Variants in KIAA1328 observed in about 807,000 individuals in gnomAD.
KIAA1328 encodes the protein KIAA1328, also known as protein hinderin.
KIAA1328 carries 52 observed loss-of-function variants against 68.1 expected under a neutral mutation model. That is an observed-to-expected ratio of 0.76 (90% CI 0.61 to 0.96). The LOEUF is 0.96. Among genes scored for constraint, KIAA1328 ranks in the 40% least tolerant of loss-of-function variants. The pLI is 0.00. For synonymous variants in KIAA1328, 232 were observed against 239.4 expected (o/e 0.97, Z 0.28); for missense variants, 641 against 677.6 (o/e 0.95, Z 0.60).
chr18:37,151,277 A>C lies in KIAA1328; in HGVS notation c.1233-8923A>C, dbSNP rs899795944. Among the ~76,000 whole-genome samples, 3 of 152,300 alleles carry C rather than the reference A, an allele frequency of 2.0e-5. No homozygotes were observed. In the East Asian group the frequency reaches 5.8e-4, roughly 29 times the overall value. ...AAATACTGCTGAGACAAATTTAAGA[A>C]AACTAAATGGAAAGAAAGATATGCT... is the stretch of plus-strand genomic sequence containing the variant. On this transcript the variant is annotated intron_variant, in intron 7 of 9. Transcript: ENST00000280020.
intron 6 of KIAA1328, among the ~76,000 whole-genome samples, chr18:36,991,629 C>T (rs1372524695): frequency 6.6e-6 from 1 of 152,124 alleles, no homozygotes; most frequent in Non-Finnish European, 1.5e-5. Context: ...AGATAACCAC[C>T]ATTCTTGAAT....
chr18:37,072,621 A>T (rs752678490), intron 7 of KIAA1328, among the ~76,000 whole-genome samples: 13 of 152,086 alleles, frequency 8.5e-5, no homozygotes, highest in Non-Finnish European at 1.8e-4. Flanking sequence ...ACATAAATTT[A>T]CAATCTTTTG....
At chr18:36,852,922 T>C (rs771716365) in intron 4 of KIAA1328, among the ~76,000 whole-genome samples, 1 of 152,204 alleles carries the variant, frequency 6.6e-6, no homozygotes, top group Non-Finnish European at 1.5e-5. Context: ...AATTCTCTAT[T>C]ATTCTAGAAC....
intron 5 of KIAA1328, among the ~76,000 whole-genome samples, chr18:36,946,956 G>C (rs1020007078): frequency 2.6e-5 from 4 of 152,262 alleles, no homozygotes; most frequent in African/African-American, 9.6e-5. Context: ...GATGTCACTG[G>C]ATTGCTTCGT....
chr18:36,898,339 G>T (rs2048929372), intron 5 of KIAA1328, among the ~76,000 whole-genome samples: 1 of 151,882 alleles, frequency 6.6e-6, no homozygotes, highest in Non-Finnish European at 1.5e-5. Context: ...TATTTGAGGA[G>T]CATCCCTTTT....
chr18:36,924,759 A>T (rs1406188437), intron 5 of KIAA1328, among the ~76,000 whole-genome samples: 1 of 152,146 alleles, frequency 6.6e-6, no homozygotes, highest in African/African-American at 2.4e-5. Flanking sequence ...GAAAGATAGG[A>T]CCTTAGAATA....
At position 37,025,013 on chromosome 18, in the gene KIAA1328, A is replaced by G. The variant is rs140202219; in HGVS notation, c.577-41877A>G. 4.6e-3 allele frequency among the ~76,000 whole-genome samples: 700 copies of G among 152,130 alleles called. 6 individuals carry two copies. Among genetic ancestry groups the G allele is most frequent in the Middle Eastern group, 0.031 (9 of 294 alleles). The stretch of plus-strand genomic sequence containing the variant: ...CCAGCAACAGTGTAAAAGTGTTCCT[A>G]TTTCTCCATATCCTCTCCAGCACCT... On this transcript the variant is annotated intron_variant, in intron 6 of 9. Transcript: ENST00000280020.
chr18:36,892,337 A>G (rs1299786960), intron 5 of KIAA1328, among the ~76,000 whole-genome samples: 1 of 152,198 alleles, frequency 6.6e-6, no homozygotes, highest in Admixed American at 6.5e-5. Flanking sequence ...TGGGAAAGTA[A>G]AAAACCTAAA....
At chr18:36,848,541 CTTTTTT>C (rs59271370) in intron 4 of KIAA1328, among the ~76,000 whole-genome samples, 4 of 38,144 alleles carry the variant, frequency 1.0e-4, no homozygotes, top group Non-Finnish European at 1.4e-4. Context: ...TCTATAGATG[CTTTTTT>C]TTTTTTTTTT....
At chr18:37,203,602 T>A (rs775734060) in intron 9 of KIAA1328, among the ~76,000 whole-genome samples, 1 of 152,214 alleles carries the variant, frequency 6.6e-6, no homozygotes, top group Non-Finnish European at 1.5e-5. Flanking sequence ...GCAATTTTAA[T>A]GTTAAGTACC....
intron 7 of KIAA1328, among the ~76,000 whole-genome samples, chr18:37,089,285 T>G (rs1021843259): frequency 1.3e-5 from 2 of 152,074 alleles, no homozygotes; most frequent in Non-Finnish European, 2.9e-5. Context: ...TTCTTTGCAT[T>G]TCTTTTATAG....
rs556239466 is a variant in KIAA1328, at chr18:37,014,496, T to C, written c.577-52394T>C. Among the ~76,000 whole-genome samples the C allele has an allele frequency of 1.5e-4, 23 of 152,336 alleles. No homozygotes were observed. The South Asian group carries it at 3.9e-3, about 26-fold the overall frequency. ...TCTCGCATTGCTGTAGAGAAATACC[T>C]GAGACTGGGTAATTTATAAAGAAGA... is the stretch of plus-strand genomic sequence containing the variant. On this transcript the variant is annotated intron_variant, in intron 6 of 9. Transcript: ENST00000280020.
At chr18:37,108,862 T>A (rs1170583806) in intron 7 of KIAA1328, among the ~76,000 whole-genome samples, 2 of 152,168 alleles carry the variant, frequency 1.3e-5, no homozygotes, top group Non-Finnish European at 2.9e-5. Flanking sequence ...ATGTTACATG[T>A]TGGTTTGCTG....
intron 6 of KIAA1328, among the ~76,000 whole-genome samples, chr18:37,007,927 T>C (rs571322188): frequency 1.3e-5 from 2 of 152,348 alleles, no homozygotes; most frequent in Admixed American, 6.5e-5. Flanking sequence ...TTTCCTAGTT[T>C]GGAAAGTTTT....
In KIAA1328 at chr18:36,893,465, T is replaced by TTGTGTGTGTGTG. The variant is rs141803952; in HGVS notation, c.448+7817_448+7828dup. ...TGTGTGTGTGTGTGTGTGTGTGTTT[T>TTGTGTGTGTGTG]TGTGTGTGTGTGTGTGTGTGTGTGT... On this transcript the variant is annotated intron_variant, in intron 5 of 9. Transcript: ENST00000280020. Among the ~76,000 whole-genome samples, 418 of 120,638 alleles carry TTGTGTGTGTGTG rather than the reference T, an allele frequency of 3.5e-3. 2 individuals are homozygous for TTGTGTGTGTGTG. Among genetic ancestry groups the TTGTGTGTGTGTG allele is most frequent in the East Asian group, 0.033 (129 of 3,936 alleles). 79.1% of individuals were successfully genotyped at this position (120,638 alleles called of 152,430 possible).
Position 37,017,553 on chromosome 18 carries a change from C to A in KIAA1328, c.577-49337C>A, listed in dbSNP as rs1318124483. Among the ~76,000 whole-genome samples the A allele has an allele frequency of 3.3e-5, 5 of 152,122 alleles. No individual in the cohort carries two copies. In the East Asian group the frequency reaches 9.6e-4, roughly 29 times the overall value. On this transcript the variant is annotated intron_variant, in intron 6 of 9. Coordinates refer to ENST00000280020, the MANE Select transcript of KIAA1328 (RefSeq NM_020776.3). ...GCCTCAGTGATCTGTCTTATGCCGTCACTAGGGTGTTGAAGTCCTCCAATA... is the reference window on the plus strand; with the variant it reads ...GCCTCAGTGATCTGTCTTATGCCGTAACTAGGGTGTTGAAGTCCTCCAATA...
intron 9 of KIAA1328, among the ~76,000 whole-genome samples, chr18:37,216,989 TG>T (rs1287185543): frequency 9.5e-4 from 113 of 118,574 alleles, no homozygotes; most frequent in African/African-American, 4.3e-3. Flanking sequence ...GTTTTTTTTT[TG>T]TTTGTTTTTT....
At chr18:37,150,490 G>T (rs922701878) in intron 7 of KIAA1328, among the ~76,000 whole-genome samples, 11 of 151,862 alleles carry the variant, frequency 7.2e-5, no homozygotes, top group African/African-American at 2.7e-4. Flanking sequence ...CTTTTGTGAG[G>T]TCTGAACCTG....
chr18:37,174,509 A>G (rs2059560937), intron 9 of KIAA1328, among the ~76,000 whole-genome samples: 1 of 150,298 alleles, frequency 6.7e-6, no homozygotes, highest in African/African-American at 2.4e-5. Context: ...CAGCCTCCCA[A>G]GTAGCTGGGA....
Sources: allele counts gnomAD v4.1 joint callset (sites outside exome capture counted in the v4.1 genomes callset), GRCh38; gene constraint gnomAD v4.1.1; transcripts MANE v1.5; gene names NCBI Gene and HGNC (gene_info 2026-07-23, HGNC 2026-07-21).